The following EFCAB8 variants were observed in gnomAD, a reference collection of about 807,000 sequenced individuals.
The protein encoded by EFCAB8 is EF-hand calcium binding domain 8.
In EFCAB8, 100 loss-of-function variants were observed where a neutral mutation model predicts 116.3. That is an observed-to-expected ratio of 0.86 (90% confidence interval 0.73 to 1.02). The LOEUF (loss-of-function observed/expected upper bound fraction) is 1.02. Among genes scored for constraint, EFCAB8 ranks in the 50% least tolerant of loss-of-function variants. EFCAB8 has a pLI of 0.00. For missense variants in EFCAB8, 1,320 were observed against 1,416.9 expected (o/e 0.93, Z 1.10); for synonymous variants, 558 against 567.9 (o/e 0.98, Z 0.25).
intron 7 of EFCAB8, among the ~76,000 whole-genome samples, chr20:32,890,494 A>AACCTCCAAG (rs11167184): frequency 1.3e-5 from 2 of 151,430 alleles, no homozygotes; most frequent in African/African-American, 4.8e-5. Flanking sequence ...TCCAGACTGG[A>AACCTCCAAG]AGGTCAGGGA....
At chr20:32,930,637 A>G in intron 21 of EFCAB8, 21 bp downstream of exon 21, 1 of 1,549,002 alleles carries the variant, frequency 6.5e-7, no homozygotes, top group South Asian at 1.2e-5. Flanking sequence ...ACTGGCAGGA[A>G]GATTGAGGGG....
chr20:32,938,420 A>G (rs1988205107), intron 22 of EFCAB8, among the ~76,000 whole-genome samples: 1 of 149,690 alleles, frequency 6.7e-6, no homozygotes, highest in African/African-American at 2.5e-5. Flanking sequence ...TACTCTTGCC[A>G]CCCCAATTTA....
In EFCAB8 at chr20:32,908,304, C is replaced by T; in HGVS notation, c.1338C>T (p.Tyr446=). 1 of 1,249,944 alleles carries T rather than the reference C, an allele frequency of 8.0e-7. No homozygotes were observed. The highest frequency in any genetic ancestry group is 4.1e-5 in the South Asian group (1 of 24,410). 77.4% of individuals were successfully genotyped at this position (1,249,944 alleles called of 1,614,324 possible). The change falls in exon 14 of 27, where the codon TAC becomes TAT. Residue 446 remains tyrosine, a synonymous_variant. Coordinates refer to ENST00000400522, the MANE Select transcript of EFCAB8 (RefSeq NM_001143967.2). ...KNIRVWDMLD[Y]ICLQSFCGKF... is the part of the protein sequence containing the mutation. ...TTCGCGTGTGGGACATGCTGGACTA[C>T]ATATGCCTCCAGTCCTTCTGTGGGA...
chr20:32,888,994 C>G (rs1231020005), intron 6 of EFCAB8, among the ~76,000 whole-genome samples: 1 of 152,004 alleles, frequency 6.6e-6, no homozygotes. Flanking sequence ...CTCACTCTTG[C>G]CCAGGCTTGA....
At chr20:32,898,405 C>T (rs1986267431) in intron 10 of EFCAB8, 88 bp from the exon 11 acceptor site, 3 of 663,080 alleles carry the variant, frequency 4.5e-6, no homozygotes, top group African/African-American at 1.8e-5. Context: ...TGGGCACCTC[C>T]AGTCCCAGCA....
chr20:32,931,102 T>G, intron 21 of EFCAB8, 76 bp from the exon 22 acceptor site: 2 of 1,273,908 alleles, frequency 1.6e-6, no homozygotes, highest in Admixed American at 2.7e-5. Context: ...AGAGGAATGG[T>G]CTGGGAGGAG....
chr20:32,960,227 G>T (rs1989105687), intron 26 of EFCAB8, 66 bp downstream of exon 26: 1 of 1,424,848 alleles, frequency 7.0e-7, no homozygotes, highest in East Asian at 2.5e-5. Context: ...ATGTCCACCA[G>T]CAGCCACCCT....
At chr20:32,920,046 A>G in intron 19 of EFCAB8, 32 bp from the exon 20 acceptor site, 3 of 1,551,652 alleles carry the variant, frequency 1.9e-6, no homozygotes, top group Non-Finnish European at 2.6e-6. Flanking sequence ...AAACACCCTC[A>G]TGGTGACTTG....
At chr20:32,905,806 G>A (rs941722160) in intron 11 of EFCAB8, among the ~76,000 whole-genome samples, 4 of 148,938 alleles carry the variant, frequency 2.7e-5, no homozygotes, top group Admixed American at 2.0e-4. Context: ...TAGGTATAGA[G>A]TGGGCACCTA....
chr20:32,876,180 G>A (rs1404391883), intron 4 of EFCAB8, 136 bp downstream of exon 4: 5 of 746,896 alleles, frequency 6.7e-6, no homozygotes, highest in Non-Finnish European at 1.1e-5. Flanking sequence ...CCCCAGTCGG[G>A]GGACTTGCCT....
chr20:32,874,612 G>A (rs540799118), intron 3 of EFCAB8, among the ~76,000 whole-genome samples: 128 of 152,148 alleles, frequency 8.4e-4, no homozygotes, highest in African/African-American at 2.8e-3. Flanking sequence ...TGCAATCTCG[G>A]TTCACTGCAA....
chr20:32,912,729 A>T, intron 16 of EFCAB8, 65 bp from the exon 17 acceptor site: 1 of 714,882 alleles, frequency 1.4e-6, no homozygotes. Context: ...TTAGGAAGAC[A>T]TTTAGGGCCC....
intron 14 of EFCAB8, 51 bp downstream of exon 14, chr20:32,908,463 A>G: frequency 8.0e-7 from 1 of 1,248,896 alleles, no homozygotes. Context: ...GTGGAGGGCC[A>G]GGGTCTGAAT....
Position 32,961,183 on chromosome 20 carries a change from G to T in EFCAB8, c.3441G>T (p.Pro1147=), listed in dbSNP as rs778946040. 39 of 1,552,100 alleles carry T rather than the reference G, an allele frequency of 2.5e-5. No individual in the cohort carries two copies. The East Asian group carries it at 9.5e-4, about 38-fold the overall frequency. ...YQSLHFSDLM[P]TQQPDFLTSR... ...GCCTGCACTTCAGTGATCTGATGCC[G>T]ACTCAGCAGCCTGACTTCCTGACCA... The change falls in exon 27 of 27, where the codon CCG becomes CCT. Residue 1147 remains proline (P), a synonymous_variant. Transcript: ENST00000400522.
chr20:32,953,709 A>G (rs1988869615), intron 23 of EFCAB8, among the ~76,000 whole-genome samples: 1 of 152,176 alleles, frequency 6.6e-6, no homozygotes, highest in South Asian at 2.1e-4. Context: ...AGTTCTTTAT[A>G]TATTATGGAT....
intron 12 of EFCAB8, 75 bp from the exon 13 acceptor site, chr20:32,906,768 T>G: frequency 1.3e-6 from 1 of 787,440 alleles, no homozygotes; most frequent in Non-Finnish European, 2.2e-6. Flanking sequence ...TCCCCACTTC[T>G]GGGCACCACC....
At chr20:32,939,127 CTT>C (rs1988258202) in intron 22 of EFCAB8, among the ~76,000 whole-genome samples, 4 of 34,578 alleles carry the variant, frequency 1.2e-4, no homozygotes, top group Admixed American at 4.8e-4. Flanking sequence ...CTTTCTTTCT[CTT>C]TCTTTCTTTC....
chr20:32,894,418 G>A lies in EFCAB8; in HGVS notation c.883+1120G>A, dbSNP rs566944723. ...TGCCCTGCCCTGAGCTGCCCACTTA[G>A]CTGCTTGAGCCTAGTCACTCTGCGC... On this transcript the variant is annotated intron_variant, in intron 9 of 26. Transcript: ENST00000400522. 2.3e-4 allele frequency among the ~76,000 whole-genome samples: 35 copies of A among 152,372 alleles called. 1 individual carries two copies. The South Asian group carries it at 7.0e-3, about 31-fold the overall frequency.
chr20:32,870,006 G>A (rs1568898274), intron 3 of EFCAB8, among the ~76,000 whole-genome samples: 1 of 152,146 alleles, frequency 6.6e-6, no homozygotes, highest in Non-Finnish European at 1.5e-5. Flanking sequence ...ACTCCTGTAA[G>A]TCAAATAATA....
Sources: allele counts gnomAD v4.1 joint callset (sites outside exome capture counted in the v4.1 genomes callset), GRCh38; gene constraint gnomAD v4.1.1; transcripts MANE v1.5; gene names NCBI Gene and HGNC (gene_info 2026-07-23, HGNC 2026-07-21).